Variants in GABRB3 observed in about 807,000 individuals in gnomAD.
GABRB3 encodes gamma-aminobutyric acid receptor subunit beta-3.
In GABRB3, 14 loss-of-function variants were observed where a neutral mutation model predicts 52.1. The ratio of observed to expected loss-of-function variants is 0.27; its 90% CI spans 0.18 to 0.42. GABRB3 has a LOEUF of 0.42. GABRB3 is among the 10% of genes least tolerant of loss of function. The probability of loss-of-function intolerance (pLI) is 1.00; values close to 1 mark genes in which losing one functional copy is unlikely to be tolerated. For synonymous variants in GABRB3, 260 were observed against 232.3 expected, an observed-to-expected ratio of 1.12 and a Z score of -1.08; for missense variants, 307 against 609.1, an observed-to-expected ratio of 0.50 and a Z score of 5.22.
At chr15:26,628,978 T>G in intron 3 of GABRB3, 2 of 1,536,068 alleles carry the variant, frequency 1.3e-6, no homozygotes, top group Non-Finnish European at 1.7e-6. Context: ...GACTTTTACC[T>G]CTTCTGTCTG....
chr15:26,628,970 CT>C, intron 3 of GABRB3: 1 of 1,536,156 alleles, frequency 6.5e-7, no homozygotes, highest in Non-Finnish European at 8.7e-7. Context: ...GCGTCCCCGA[CT>C]TTTACCTCTT....
At chr15:26,616,042 C>T (rs1892244927) in intron 4 of GABRB3, 2 of 1,289,222 alleles carry the variant, frequency 1.6e-6, no homozygotes, top group Non-Finnish European at 2.0e-6. Flanking sequence ...AGACCTCCTC[C>T]AGGCCAGGGC....
At chr15:26,669,241 C>T (rs1040573294) in intron 3 of GABRB3, among the ~76,000 whole-genome samples, 1 of 152,190 alleles carries the variant, frequency 6.6e-6, no homozygotes, top group African/African-American at 2.4e-5. Flanking sequence ...TTATCTCTTT[C>T]GTTTCAGTGA....
chr15:26,586,704 A>AAAAAAAAAAG lies in GABRB3; in HGVS notation c.462-3291_462-3290insCTTTTTTTTT, dbSNP rs558336153. 1.6e-4 allele frequency among the ~76,000 whole-genome samples: 16 copies of AAAAAAAAAAG among 102,302 alleles called. 1 individual carries two copies. Among genetic ancestry groups the AAAAAAAAAAG allele is most frequent in the East Asian group, 8.1e-4 (2 of 2,472 alleles). 67.1% of individuals were successfully genotyped at this position (102,302 alleles called of 152,430 possible). On this transcript the variant is annotated intron_variant, in intron 4 of 8. Coordinates refer to ENST00000311550, the MANE Select transcript of GABRB3 (RefSeq NM_000814.6). Reference sequence around the variant, plus strand: ...TCCATCTCAAAAAAAAAAAAAAAAAAAGAGAGAGAGAGAAAGCGAAGAAGG... The same window carrying AAAAAAAAAAG: ...TCCATCTCAAAAAAAAAAAAAAAAAAAAAAAAAAAGAGAGAGAGAGAGAAAGCGAAGAAGG...
intron 3 of GABRB3, among the ~76,000 whole-genome samples, chr15:26,768,668 C>G (rs1891061682): frequency 6.6e-6 from 1 of 152,020 alleles, no homozygotes; most frequent in African/African-American, 2.4e-5. Flanking sequence ...TAGAAATATA[C>G]AAACTAAATC....
At chr15:26,734,023 C>CTTTTTTT (rs61468831) in intron 3 of GABRB3, among the ~76,000 whole-genome samples, 1 of 73,394 alleles carries the variant, frequency 1.4e-5, no homozygotes, top group Non-Finnish European at 2.6e-5. Flanking sequence ...AACTATAGGG[C>CTTTTTTT]TTTTTTTTTT....
intron 3 of GABRB3, chr15:26,716,683 C>A: frequency 9.9e-7 from 1 of 1,008,704 alleles, no homozygotes; most frequent in Non-Finnish European, 1.2e-6. Context: ...TAAGAATCAT[C>A]CAATTATTTT....
intron 3 of GABRB3, among the ~76,000 whole-genome samples, chr15:26,700,542 C>T (rs1888894966): frequency 6.6e-6 from 1 of 152,184 alleles, no homozygotes. Flanking sequence ...ATCGGTATCC[C>T]TCATGAACAT....
At chr15:26,554,165 ATATATATAAAG>A (rs1265006352) in intron 8 of GABRB3, among the ~76,000 whole-genome samples, 1 of 31,936 alleles carries the variant, frequency 3.1e-5, no homozygotes, top group South Asian at 1.7e-3. Flanking sequence ...TATAAAGTAT[ATATATATAAAG>A]TATATATATA....
intron 8 of GABRB3, 36 bp downstream of exon 8, chr15:26,560,896 A>T (rs1463850605): frequency 1.2e-5 from 19 of 1,612,766 alleles, no homozygotes; most frequent in Non-Finnish European, 1.6e-5. Context: ...GCTGAGCTGC[A>T]GGGACCAGGT....
intron 3 of GABRB3, among the ~76,000 whole-genome samples, chr15:26,703,227 G>A (rs541948832): frequency 6.6e-6 from 1 of 152,270 alleles, no homozygotes; most frequent in South Asian, 2.1e-4. Flanking sequence ...CTAGAGGCTG[G>A]AAATTCCAAG....
chr15:26,554,127 G>GTGTATA (rs1555400818), intron 8 of GABRB3, among the ~76,000 whole-genome samples: 1 of 22,580 alleles, frequency 4.4e-5, no homozygotes, highest in African/African-American at 2.2e-4. Context: ...AAGTGTGTGT[G>GTGTATA]TATATATATA....
chr15:26,700,374 G>C (rs577551452), intron 3 of GABRB3, among the ~76,000 whole-genome samples: 13 of 151,902 alleles, frequency 8.6e-5, no homozygotes, highest in Non-Finnish European at 1.6e-4. Flanking sequence ...ATGATTTCAA[G>C]GATAAATTCT....
At chr15:26,732,599 T>C (rs1889961642) in intron 3 of GABRB3, among the ~76,000 whole-genome samples, 1 of 151,572 alleles carries the variant, frequency 6.6e-6, no homozygotes, top group Non-Finnish European at 1.5e-5. Context: ...GATGGAGTCT[T>C]GCTCTGTTGC....
chr15:26,717,190 G>A (rs927408571), intron 3 of GABRB3, among the ~76,000 whole-genome samples: 72 of 143,142 alleles, frequency 5.0e-4, no homozygotes, highest in Admixed American at 4.6e-3. Flanking sequence ...TCCACCCTAT[G>A]ACAGCCCAGC....
intron 3 of GABRB3, among the ~76,000 whole-genome samples, chr15:26,705,233 G>C (rs1367417940): frequency 2.0e-5 from 3 of 152,196 alleles, no homozygotes; most frequent in Admixed American, 2.0e-4. Flanking sequence ...CATTGCAAAA[G>C]GCAGAAGGGT....
chr15:26,663,694 C>T (rs1464159564), intron 3 of GABRB3, among the ~76,000 whole-genome samples: 1 of 151,996 alleles, frequency 6.6e-6, no homozygotes, highest in African/African-American at 2.4e-5. Context: ...ATGTTTAGAC[C>T]TTTTATATTT....
chr15:26,707,649 C>T (rs1012237681), intron 3 of GABRB3, among the ~76,000 whole-genome samples: 1 of 152,170 alleles, frequency 6.6e-6, no homozygotes, highest in Non-Finnish European at 1.5e-5. Flanking sequence ...CATTTCCTAG[C>T]TGCAGAGGTA....
At chr15:26,674,452 G>GAAAGGAAAGGAAAGGAAAGA (rs1888003650) in intron 3 of GABRB3, among the ~76,000 whole-genome samples, 1 of 104,418 alleles carries the variant, frequency 9.6e-6, no homozygotes, top group African/African-American at 2.9e-5. Context: ...GAAAGGAAAG[G>GAAAGGAAAGGAAAGGAAAGA]AAAAGAAAAG....
Sources: gnomAD v4.1 joint callset for allele counts (sites outside exome capture counted in the v4.1 genomes callset) on GRCh38, gnomAD v4.1.1 for gene constraint, MANE v1.5 for transcripts, NCBI Gene and HGNC (gene_info 2026-07-23, HGNC 2026-07-21) for gene names.